Variants in LINGO2 observed in about 807,000 individuals in gnomAD.
The protein encoded by LINGO2 is leucine-rich repeat and immunoglobulin-like domain-containing nogo receptor-interacting protein 2.
LINGO2 carries 14 observed loss-of-function variants against 30.6 expected under a neutral mutation model. That is an observed-to-expected ratio of 0.46 (90% CI 0.30 to 0.72). The LOEUF (loss-of-function observed/expected upper bound fraction) is 0.72. LINGO2 is among the 30% of genes least tolerant of loss of function. The probability of loss-of-function intolerance (pLI) is 0.07; values close to 1 mark genes in which losing one functional copy is unlikely to be tolerated. For missense variants in LINGO2, 729 were observed against 751.7 expected (o/e 0.97, Z 0.35); for synonymous variants, 317 against 288.5 (o/e 1.10, Z -1.00).
At chr9:27,950,558 G>A (rs1284754609) in exon 6 of LINGO2, 25 of 1,556,466 alleles carry the variant, frequency 1.6e-5, no homozygotes, top group Non-Finnish European at 2.2e-5. Flanking sequence ...TAACAGATTT[G>A]TTCTGGGCAG....
chr9:28,436,421 A>AATTT (rs143117895), intron 2 of LINGO2, among the ~76,000 whole-genome samples: 1,796 of 138,950 alleles, frequency 0.013, 28 homozygotes, highest in African/African-American at 0.028. Flanking sequence ...TAAGGAAGAG[A>AATTT]ATTTATTTAT....
chr9:28,884,691 G>GTA, the LINGO2 span, among the ~76,000 whole-genome samples: 12 of 39,762 alleles, frequency 3.0e-4, no homozygotes, highest in African/African-American at 7.9e-4. Context: ...TATAGTGTAT[G>GTA]TATGTGTATA....
chr9:28,617,359 G>A (rs777983765), intron 1 of LINGO2, among the ~76,000 whole-genome samples: 3 of 150,724 alleles, frequency 2.0e-5, no homozygotes, highest in Non-Finnish European at 4.4e-5. Flanking sequence ...GCAGTGGCGC[G>A]ATCTCGGATC....
the LINGO2 span, among the ~76,000 whole-genome samples, chr9:28,789,287 T>A: frequency 6.6e-6 from 1 of 152,210 alleles, no homozygotes; most frequent in African/African-American, 2.4e-5. Context: ...TTCATAATTT[T>A]GTTGTTTGAT....
chr9:28,624,520 A>T (rs768695142), intron 1 of LINGO2, among the ~76,000 whole-genome samples: 2 of 152,044 alleles, frequency 1.3e-5, no homozygotes, highest in Non-Finnish European at 2.9e-5. Flanking sequence ...AGTAAATCCC[A>T]CTTGGTCATG....
chr9:28,309,777 C>T (rs1268176358), intron 3 of LINGO2, among the ~76,000 whole-genome samples: 2 of 151,582 alleles, frequency 1.3e-5, no homozygotes, highest in African/African-American at 4.8e-5. Flanking sequence ...ATAAAAAACT[C>T]GTGTAAAATA....
intron 1 of LINGO2, among the ~76,000 whole-genome samples, chr9:28,627,635 T>C (rs1388937631): frequency 6.6e-6 from 1 of 152,128 alleles, no homozygotes; most frequent in Admixed American, 6.6e-5. Context: ...ATGTGTCATA[T>C]ATTTTGACAA....
At chr9:28,434,468 CCTG>C (rs2134973753) in intron 2 of LINGO2, among the ~76,000 whole-genome samples, 1 of 151,420 alleles carries the variant, frequency 6.6e-6, no homozygotes, top group South Asian at 2.1e-4. Flanking sequence ...CATGCTACAA[CCTG>C]CTTTCTCTAT....
intron 2 of LINGO2, among the ~76,000 whole-genome samples, chr9:28,438,403 T>C (rs1401580446): frequency 6.6e-6 from 1 of 152,148 alleles, no homozygotes; most frequent in Non-Finnish European, 1.5e-5. Flanking sequence ...AGCTGCGACA[T>C]CCATCTTCTT....
At chr9:29,005,361 T>C in the LINGO2 span, among the ~76,000 whole-genome samples, 1 of 151,754 alleles carries the variant, frequency 6.6e-6, no homozygotes, top group African/African-American at 2.4e-5. Context: ...CCAGAGAAGA[T>C]ACATAGATTA....
chr9:29,063,437 T>C, the LINGO2 span, among the ~76,000 whole-genome samples: 2 of 151,636 alleles, frequency 1.3e-5, 1 homozygote, highest in East Asian at 3.9e-4. Flanking sequence ...AATCTCGCTA[T>C]TGTCACCCAG....
At chr9:29,153,633 A>G in the LINGO2 span, among the ~76,000 whole-genome samples, 2 of 152,226 alleles carry the variant, frequency 1.3e-5, no homozygotes, top group Non-Finnish European at 2.9e-5. Flanking sequence ...TAAAAACATT[A>G]CAAGTTCTTT....
At chr9:28,800,496 T>C in the LINGO2 span, among the ~76,000 whole-genome samples, 1 of 152,038 alleles carries the variant, frequency 6.6e-6, no homozygotes, top group African/African-American at 2.4e-5. Flanking sequence ...TCCAAATCAT[T>C]TGGGGGGTCT....
At chr9:28,662,782 C>A (rs1828631038) in intron 1 of LINGO2, among the ~76,000 whole-genome samples, 1 of 152,082 alleles carries the variant, frequency 6.6e-6, no homozygotes, top group Non-Finnish European at 1.5e-5. Context: ...ATAAAAGTTG[C>A]TGAATGAATA....
At chr9:28,213,326 G>A (rs568907263) in intron 4 of LINGO2, among the ~76,000 whole-genome samples, 1 of 151,440 alleles carries the variant, frequency 6.6e-6, no homozygotes, top group East Asian at 1.9e-4. Context: ...TAACAAGGCA[G>A]GATAGATGGT....
the LINGO2 span, among the ~76,000 whole-genome samples, chr9:28,675,827 T>C: frequency 4.0e-5 from 6 of 148,370 alleles, no homozygotes; most frequent in Non-Finnish European, 7.4e-5. Context: ...GCCGAGATCA[T>C]GCCACTGCAC....
At chr9:28,483,173 A>G (rs970555919) in intron 1 of LINGO2, among the ~76,000 whole-genome samples, 1 of 152,034 alleles carries the variant, frequency 6.6e-6, no homozygotes, top group African/African-American at 2.4e-5. Context: ...TAGCATTCAG[A>G]TTGTTTCTCC....
chr9:28,178,992 CA>C (rs1229324194), intron 4 of LINGO2, among the ~76,000 whole-genome samples: 2 of 152,022 alleles, frequency 1.3e-5, no homozygotes, highest in African/African-American at 4.8e-5. Flanking sequence ...TGAAGAGAGA[CA>C]AATTGAGACT....
chr9:28,074,997 G>GA (rs1353793085), intron 4 of LINGO2, among the ~76,000 whole-genome samples: 2 of 151,000 alleles, frequency 1.3e-5, no homozygotes, highest in African/African-American at 4.9e-5. Context: ...TAAAATATAT[G>GA]AAAAATGCTA....
Sources: gnomAD v4.1 joint callset for allele counts (sites outside exome capture counted in the v4.1 genomes callset) on GRCh38, gnomAD v4.1.1 for gene constraint, MANE v1.5 for transcripts, NCBI Gene and HGNC (gene_info 2026-07-23, HGNC 2026-07-21) for gene names.